WWOX: variants seen among roughly 807,000 people sequenced by gnomAD.
WWOX encodes WW domain-containing oxidoreductase.
In WWOX, 69 loss-of-function variants were observed where a neutral mutation model predicts 46.2. The observed-to-expected ratio is 1.49, with a 90% CI of 1.23 to 1.82. The LOEUF (loss-of-function observed/expected upper bound fraction) is 1.82, where lower values mean the gene tolerates loss of function less well. Ranked by LOEUF, WWOX falls within the 40% of genes most tolerant of loss-of-function variation. The pLI, the probability that WWOX is intolerant of heterozygous loss-of-function variation, is 0.00. For synonymous variants in WWOX, 359 were observed against 202.6 expected, an observed-to-expected ratio of 1.77 and a Z score of -6.56; for missense variants, 919 against 542.6, an observed-to-expected ratio of 1.69 and a Z score of -6.89.
chr16:79,083,201 A>G (rs201179627), intron 8 of WWOX, among the ~76,000 whole-genome samples: 2 of 152,144 alleles, frequency 1.3e-5, no homozygotes, highest in East Asian at 3.8e-4. Context: ...AGGTAGGGGC[A>G]CTTTGCTGCC....
intron 5 of WWOX, among the ~76,000 whole-genome samples, chr16:78,349,865 C>A (rs752746246): frequency 8.3e-6 from 1 of 120,820 alleles, no homozygotes; most frequent in Non-Finnish European, 2.0e-5. Context: ...TTTCTGGGCT[C>A]AGCTTTTGAC....
At chr16:78,583,199 T>C (rs934219496) in intron 8 of WWOX, among the ~76,000 whole-genome samples, 1 of 152,152 alleles carries the variant, frequency 6.6e-6, no homozygotes, top group African/African-American at 2.4e-5. Flanking sequence ...TTCCTGAAAC[T>C]CAGGAGGCTG....
chr16:78,543,555 G>C (rs1419953408), intron 8 of WWOX, among the ~76,000 whole-genome samples: 2 of 152,156 alleles, frequency 1.3e-5, no homozygotes, highest in East Asian at 3.9e-4. Flanking sequence ...TTCAACACTG[G>C]CCAAATTCTG....
intron 5 of WWOX, among the ~76,000 whole-genome samples, chr16:78,372,547 T>C (rs2081717751): frequency 6.6e-6 from 1 of 152,174 alleles, no homozygotes; most frequent in Non-Finnish European, 1.5e-5. Flanking sequence ...AAATCTGCTC[T>C]CTGGAGGGAA....
At chr16:78,950,798 C>G (rs1040794401) in intron 8 of WWOX, among the ~76,000 whole-genome samples, 3 of 152,096 alleles carry the variant, frequency 2.0e-5, no homozygotes, top group African/African-American at 4.8e-5. Context: ...CTTTGGAAAA[C>G]TTGAAGGTTG....
chr16:78,688,616 C>T (rs556066032), intron 8 of WWOX, among the ~76,000 whole-genome samples: 16 of 152,248 alleles, frequency 1.1e-4, no homozygotes, highest in East Asian at 3.9e-4. Flanking sequence ...GCTTCTCTAC[C>T]GGGGCAAATT....
chr16:78,766,352 G>C (rs1158047280), intron 8 of WWOX, among the ~76,000 whole-genome samples: 1 of 152,174 alleles, frequency 6.6e-6, no homozygotes, highest in African/African-American at 2.4e-5. Context: ...CTCAGCACTT[G>C]GAGAGGCTGA....
chr16:78,334,468 C>A (rs182800672), intron 5 of WWOX, among the ~76,000 whole-genome samples: 2 of 152,162 alleles, frequency 1.3e-5, no homozygotes, highest in African/African-American at 4.8e-5. Context: ...CAAGCACTTT[C>A]GGTGAGGTGT....
chr16:78,845,269 C>A (rs1284033079), intron 8 of WWOX, among the ~76,000 whole-genome samples: 1 of 151,592 alleles, frequency 6.6e-6, no homozygotes, highest in Non-Finnish European at 1.5e-5. Flanking sequence ...CTTAAGACTA[C>A]ATGGCTAATT....
rs891856716 is a variant in WWOX, at chr16:78,164,317, T to C, written c.516+28T>C. 6 of 1,601,840 alleles carry C rather than the reference T, an allele frequency of 3.7e-6. No homozygotes were observed. In the South Asian group the frequency reaches 4.5e-5, roughly 12 times the overall value. Reference sequence around the variant, plus strand: ...AAGTGCTTGACTGTTGTTGTTTTTTTTAATTGTCAAATACACATGCCGGGC... The same window carrying C: ...AAGTGCTTGACTGTTGTTGTTTTTTCTAATTGTCAAATACACATGCCGGGC... On this transcript the variant is annotated intron_variant, in intron 5 of 8. Coordinates refer to ENST00000566780, the MANE Select transcript of WWOX (RefSeq NM_016373.4).
intron 8 of WWOX, among the ~76,000 whole-genome samples, chr16:78,585,808 C>T (rs1401902724): frequency 6.6e-6 from 1 of 151,838 alleles, no homozygotes; most frequent in Non-Finnish European, 1.5e-5. Flanking sequence ...TCATGGTGCT[C>T]CTTGGCCTGA....
intron 8 of WWOX, among the ~76,000 whole-genome samples, chr16:78,849,245 C>T (rs988778353): frequency 7.2e-5 from 11 of 152,168 alleles, no homozygotes; most frequent in African/African-American, 2.4e-4. Context: ...TCACTCATTC[C>T]TAGAAATTGC....
At chr16:79,156,501 G>T (rs901630159) in intron 8 of WWOX, among the ~76,000 whole-genome samples, 1 of 152,104 alleles carries the variant, frequency 6.6e-6, no homozygotes, top group African/African-American at 2.4e-5. Flanking sequence ...TACACAGGTG[G>T]GTTCAAATTT....
intron 5 of WWOX, among the ~76,000 whole-genome samples, chr16:78,268,736 C>G (rs1192771166): frequency 6.6e-6 from 1 of 152,148 alleles, no homozygotes; most frequent in Non-Finnish European, 1.5e-5. Flanking sequence ...AAATAAATGA[C>G]TTCCCCATTT....
intron 8 of WWOX, among the ~76,000 whole-genome samples, chr16:79,091,559 A>C (rs1285452845): frequency 6.6e-6 from 1 of 152,070 alleles, no homozygotes; most frequent in African/African-American, 2.4e-5. Flanking sequence ...GAGAGGGTTT[A>C]CTAAGCAAAG....
chr16:78,677,044 A>G (rs1412164064), intron 8 of WWOX, among the ~76,000 whole-genome samples: 1 of 144,334 alleles, frequency 6.9e-6, no homozygotes, highest in African/African-American at 2.4e-5. Context: ...GTTTTTATGA[A>G]TACCTAGCGT....
chr16:78,368,773 C>T (rs1364035162), intron 5 of WWOX, among the ~76,000 whole-genome samples: 2 of 152,196 alleles, frequency 1.3e-5, no homozygotes, highest in East Asian at 1.9e-4. Flanking sequence ...CAAAATTACC[C>T]ATCGCGATTC....
chr16:78,774,710 T>C (rs28445289), intron 8 of WWOX, among the ~76,000 whole-genome samples: 57,564 of 151,648 alleles, frequency 0.38, 12,739 homozygotes, highest in Middle Eastern at 0.56. Context: ...AGGCTGTACA[T>C]GTCCCCACCC....
chr16:78,258,583 C>T (rs1021506662), intron 5 of WWOX, among the ~76,000 whole-genome samples: 2 of 151,842 alleles, frequency 1.3e-5, no homozygotes, highest in African/African-American at 4.8e-5. Context: ...TTCCTAGGAA[C>T]AGCCTAGAAG....
Sources: allele counts gnomAD v4.1 joint callset (sites outside exome capture counted in the v4.1 genomes callset), GRCh38; gene constraint gnomAD v4.1.1; transcripts MANE v1.5; gene names NCBI Gene and HGNC (gene_info 2026-07-23, HGNC 2026-07-21).